EPS15: variants seen among roughly 807,000 people sequenced by gnomAD.
EPS15 encodes the protein epidermal growth factor receptor substrate 15.
Under a neutral mutation model 113.8 loss-of-function variants are expected in EPS15, and 72 were observed. The ratio of observed to expected loss-of-function variants is 0.63; its 90% CI spans 0.52 to 0.77. The LOEUF (loss-of-function observed/expected upper bound fraction) is 0.77. Among genes scored for constraint, EPS15 ranks in the 30% least tolerant of loss-of-function variants. The probability of loss-of-function intolerance (pLI) is 0.00; values close to 1 mark genes in which losing one functional copy is unlikely to be tolerated. For missense variants in EPS15, 1,048 were observed against 1,045.8 expected (o/e 1.00, Z -0.03); for synonymous variants, 344 against 363.4 (o/e 0.95, Z 0.61).
intron 1 of EPS15, among the ~76,000 whole-genome samples, chr1:51,510,274 T>C (rs889845410): frequency 1.1e-4 from 16 of 152,186 alleles, no homozygotes; most frequent in Admixed American, 2.0e-4. Flanking sequence ...TGAATGTTCA[T>C]TCTTATCCCA....
Position 51,405,652 on chromosome 1 carries a change from C to G in EPS15, c.1677+253G>C, listed in dbSNP as rs536239595. Among the ~76,000 whole-genome samples the G allele has an allele frequency of 4.6e-5, 7 of 151,514 alleles. No individual in the cohort carries two copies. In the South Asian group the frequency reaches 8.3e-4, roughly 18 times the overall value. ...GACGGAGGTTGCAGTAAGCCAAGAT[C>G]GCACCACTGCACTCCAGCCTGGGCA... On this transcript the variant is annotated intron_variant, in intron 16 of 24. Coordinates refer to ENST00000371733, the MANE Select transcript of EPS15 (RefSeq NM_001981.3).
intron 11 of EPS15, among the ~76,000 whole-genome samples, chr1:51,442,465 TCAAA>T (rs1424584692): frequency 1.3e-5 from 2 of 152,134 alleles, no homozygotes; most frequent in African/African-American, 4.8e-5. Flanking sequence ...TAGTTTAACC[TCAAA>T]CAAGTTAGAA....
intron 1 of EPS15, among the ~76,000 whole-genome samples, chr1:51,486,857 C>CG: frequency 6.6e-6 from 1 of 151,840 alleles, no homozygotes; most frequent in South Asian, 2.1e-4. Flanking sequence ...TTAGTAGAGA[C>CG]GGGGGCTTCA....
chr1:51,391,405 G>A (rs2148401513), intron 21 of EPS15, among the ~76,000 whole-genome samples: 1 of 151,710 alleles, frequency 6.6e-6, no homozygotes, highest in South Asian at 2.1e-4. Context: ...CATGGCACAT[G>A]TATACATATG....
At chr1:51,371,656 A>G (rs1646658059) in intron 21 of EPS15, among the ~76,000 whole-genome samples, 1 of 152,228 alleles carries the variant, frequency 6.6e-6, no homozygotes, top group African/African-American at 2.4e-5. Context: ...AGTTTTAGAA[A>G]GTTAAAAAGT....
intron 21 of EPS15, among the ~76,000 whole-genome samples, chr1:51,370,442 C>G (rs1247094230): frequency 6.6e-6 from 1 of 152,072 alleles, no homozygotes. Context: ...CTCCAATAAG[C>G]ATTTCCTTGG....
intron 21 of EPS15, among the ~76,000 whole-genome samples, chr1:51,385,566 A>C (rs1030399578): frequency 2.6e-5 from 4 of 152,206 alleles, no homozygotes; most frequent in Non-Finnish European, 4.4e-5. Context: ...AATTATACCC[A>C]AAAGAACTGA....
chr1:51,438,583 G>A (rs1275604512), intron 12 of EPS15, among the ~76,000 whole-genome samples: 1 of 152,080 alleles, frequency 6.6e-6, no homozygotes, highest in African/African-American at 2.4e-5. Flanking sequence ...ATAGGCTTAA[G>A]AGGCCCAGAT....
intron 21 of EPS15, among the ~76,000 whole-genome samples, chr1:51,369,791 C>T (rs529299459): frequency 2.0e-4 from 31 of 152,204 alleles, no homozygotes; most frequent in African/African-American, 7.2e-4. Context: ...TGTTCATTGC[C>T]TATCTTTCTT....
rs371689452 is a variant in EPS15 at position 51,455,441 on chromosome 1, T to A, written c.561+5650A>T. On this transcript the variant is annotated intron_variant, in intron 8 of 24. Coordinates refer to ENST00000371733, the MANE Select transcript of EPS15 (RefSeq NM_001981.3). ...CCCATCTCTACAAAAAATACAAAAA[T>A]TAGCCAGGCGTGGTGGCGGGCACCT... Among the ~76,000 whole-genome samples the A allele has an allele frequency of 8.6e-5, 13 of 151,956 alleles. No homozygotes were observed. The East Asian group carries it at 1.2e-3, about 14-fold the overall frequency.
intron 6 of EPS15, among the ~76,000 whole-genome samples, 174 bp downstream of exon 6, chr1:51,465,087 C>G (rs1654748418): frequency 6.6e-6 from 1 of 152,132 alleles, no homozygotes; most frequent in Non-Finnish European, 1.5e-5. Context: ...GATACTGTCA[C>G]AAAACAACTG....
At chr1:51,489,693 T>C (rs924828175) in intron 1 of EPS15, among the ~76,000 whole-genome samples, 1 of 152,158 alleles carries the variant, frequency 6.6e-6, no homozygotes, top group Admixed American at 6.5e-5. Context: ...ATGTGACTTG[T>C]GGTGTCTCTC....
intron 1 of EPS15, among the ~76,000 whole-genome samples, chr1:51,497,169 C>A (rs1214110585): frequency 1.3e-5 from 2 of 152,170 alleles, no homozygotes; most frequent in Non-Finnish European, 2.9e-5. Context: ...AAATGCAACT[C>A]AACTGAAGTA....
chr1:51,421,957 A>G (rs1031545111), intron 12 of EPS15, 99 bp from the exon 13 acceptor site: 23 of 1,511,682 alleles, frequency 1.5e-5, no homozygotes, highest in Middle Eastern at 1.7e-4. Flanking sequence ...TTAAATACAT[A>G]GTGAAACATT....
chr1:51,374,696 C>T (rs1046461979), intron 21 of EPS15, among the ~76,000 whole-genome samples: 1 of 152,166 alleles, frequency 6.6e-6, no homozygotes, highest in Admixed American at 6.6e-5. Flanking sequence ...GTCTATTCAC[C>T]AGAAGCAAAT....
Position 51,399,085 on chromosome 1 carries a change from C to T in EPS15, c.1999G>A (p.Ala667Thr), listed in dbSNP as rs942551718. The T allele has an allele frequency of 3.1e-6, 5 of 1,613,898 alleles. No individual in the cohort carries two copies. In the African/African-American group the frequency reaches 6.7e-5, roughly 22 times the overall value. ...CFFRQSTDPF[A>T]TSSTDPFSAA... The stretch of plus-strand genomic sequence containing the variant: ...CTGAAAGGGTCAGTGCTTGAAGTGG[C>T]AAAAGGATCAGTAGATTGCCTGAAG... Residue 667 changes from alanine to threonine, a missense_variant, in exon 20 of 25, where the codon GCC (alanine) becomes ACC (threonine). Transcript: ENST00000371733.
At position 51,371,524 on chromosome 1, in the gene EPS15, A is replaced by G. The variant is rs12032797; in HGVS notation, c.2120-5495T>C. 3.0e-4 allele frequency among the ~76,000 whole-genome samples: 25 copies of G among 82,832 alleles called. No individual in the cohort carries two copies. The East Asian group carries it at 5.6e-3, about 19-fold the overall frequency. The allele number at this position is 82,832 out of a possible 152,430, so 54.3% of individuals were successfully genotyped here. A position where few individuals can be genotyped will look rare whatever the true frequency, so the allele number is the denominator to read the frequency against. On this transcript the variant is annotated intron_variant, in intron 21 of 24. Coordinates refer to ENST00000371733, the MANE Select transcript of EPS15 (RefSeq NM_001981.3). ...AAGTTTAAAAGTTAAAAAAAAAAAG[A>G]AAAAAAAAATTTAAAAGTAGGCAAA... is the stretch of plus-strand genomic sequence containing the variant.
Position 51,399,167 on chromosome 1 carries a change from TAAAA to T in EPS15, c.1919-6_1919-3del, listed in dbSNP as rs749065259. On this transcript the variant is annotated splice_polypyrimidine_tract_variant and splice_region_variant and intron_variant, in intron 19 of 24. Coordinates refer to ENST00000371733, the MANE Select transcript of EPS15 (RefSeq NM_001981.3). The stretch of plus-strand genomic sequence containing the variant: ...TGAAAGGATCACCACCAAATGGATC[TAAAA>T]AAATAAGGCACGAATATAAGAGACA... The T allele has an allele frequency of 1.2e-6, 2 of 1,610,128 alleles. No individual in the cohort carries two copies. The highest frequency in any genetic ancestry group is 2.2e-5 in the South Asian group (2 of 90,554).
At chr1:51,437,774 C>T (rs1037694365) in intron 12 of EPS15, among the ~76,000 whole-genome samples, 17 of 152,188 alleles carry the variant, frequency 1.1e-4, no homozygotes, top group South Asian at 6.2e-4. Context: ...TCAGCTATCG[C>T]GCCCAGCCCC....
Sources: gnomAD v4.1 joint callset for allele counts (sites outside exome capture counted in the v4.1 genomes callset) on GRCh38, gnomAD v4.1.1 for gene constraint, MANE v1.5 for transcripts, NCBI Gene and HGNC (gene_info 2026-07-23, HGNC 2026-07-21) for gene names.